USP54: variants seen among roughly 807,000 people sequenced by gnomAD.
The protein encoded by USP54 is ubiquitin carboxyl-terminal hydrolase 54.
USP54 carries 87 observed loss-of-function variants against 170.5 expected under a neutral mutation model. The ratio of observed to expected loss-of-function variants is 0.51; its 90% CI spans 0.43 to 0.61. USP54 has a LOEUF of 0.61. Among genes scored for constraint, USP54 ranks in the 20% least tolerant of loss-of-function variants. USP54 has a pLI of 0.00. For synonymous variants in USP54, 655 were observed against 742.8 expected (o/e 0.88, Z 1.92); for missense variants, 1,786 against 2,047.8 (o/e 0.87, Z 2.47).
intron 3 of USP54, 110 bp from the exon 4 acceptor site, chr10:73,571,623 C>A: frequency 1.3e-5 from 10 of 752,902 alleles, no homozygotes; most frequent in South Asian, 2.3e-5. Context: ...GTCTTTATTC[C>A]CAAAAGAAAA....
At chr10:73,603,724 G>A (rs539893558) in intron 1 of USP54, among the ~76,000 whole-genome samples, 1 of 151,664 alleles carries the variant, frequency 6.6e-6, no homozygotes, top group Non-Finnish European at 1.5e-5. Flanking sequence ...CTCCAGCCTG[G>A]GTGACAGAGT....
At chr10:73,613,333 T>C (rs113264261) in intron 1 of USP54, among the ~76,000 whole-genome samples, 2 of 151,406 alleles carry the variant, frequency 1.3e-5, no homozygotes, top group Admixed American at 6.6e-5. Context: ...GGTTTCACCA[T>C]GTTGGCCAGG....
At chr10:73,513,557 T>G (rs2060557254) in intron 20 of USP54, 1 of 152,136 alleles carries the variant, frequency 6.6e-6, no homozygotes, top group Admixed American at 6.6e-5. Flanking sequence ...AAACACTTTA[T>G]AACCATTAAA....
chr10:73,582,796 A>G (rs2077044257), intron 1 of USP54, among the ~76,000 whole-genome samples: 1 of 152,226 alleles, frequency 6.6e-6, no homozygotes, highest in Admixed American at 6.5e-5. Flanking sequence ...AGAGAACTCC[A>G]TGACATTAAT....
chr10:73,588,578 T>C (rs2077815455), intron 1 of USP54, among the ~76,000 whole-genome samples: 1 of 152,242 alleles, frequency 6.6e-6, no homozygotes, highest in African/African-American at 2.4e-5. Flanking sequence ...ACCCAGACTA[T>C]TGCAGAAACT....
intron 4 of USP54, among the ~76,000 whole-genome samples, chr10:73,571,215 C>CAAAAAAGG (rs375355833): frequency 1.4e-3 from 204 of 147,318 alleles, no homozygotes; most frequent in African/African-American, 4.8e-3. Context: ...GCTGCATAAG[C>CAAAAAAGG]AAAAAAGGTT....
chr10:73,607,611 G>T (rs2079777024), intron 1 of USP54, among the ~76,000 whole-genome samples: 1 of 150,950 alleles, frequency 6.6e-6, no homozygotes, highest in Admixed American at 6.6e-5. Flanking sequence ...AGGATGGAGA[G>T]CCTGAGCTCA....
chr10:73,563,095 G>A (rs1287614934), intron 4 of USP54, among the ~76,000 whole-genome samples: 7 of 151,908 alleles, frequency 4.6e-5, no homozygotes, highest in Admixed American at 4.6e-4. Flanking sequence ...GGGACCACAG[G>A]CACACACCGA....
chr10:73,505,597 G>A (rs1005319293), intron 20 of USP54, 171 bp from the exon 21 acceptor site: 11 of 561,316 alleles, frequency 2.0e-5, no homozygotes, highest in East Asian at 1.0e-4. Context: ...GGGGCTGGGC[G>A]CGGTGGCTCA....
intron 12 of USP54, among the ~76,000 whole-genome samples, chr10:73,531,414 T>A (rs2063946132): frequency 6.6e-6 from 1 of 152,204 alleles, no homozygotes; most frequent in African/African-American, 2.4e-5. Flanking sequence ...ACTAATGACA[T>A]GTTTCTAGGT....
At chr10:73,620,325 G>GAAAC (rs2080990303) in intron 1 of USP54, among the ~76,000 whole-genome samples, 1 of 147,728 alleles carries the variant, frequency 6.8e-6, no homozygotes, top group African/African-American at 2.6e-5. Context: ...AAAAAAAAAA[G>GAAAC]AAAGAAAGAA....
At chr10:73,612,211 T>A (rs2080205615) in intron 1 of USP54, among the ~76,000 whole-genome samples, 1 of 152,218 alleles carries the variant, frequency 6.6e-6, no homozygotes, top group Non-Finnish European at 1.5e-5. Flanking sequence ...GGATTTTTAA[T>A]CTGATCAATT....
At chr10:73,531,406 T>A (rs1447858002) in intron 12 of USP54, among the ~76,000 whole-genome samples, 2 of 152,282 alleles carry the variant, frequency 1.3e-5, no homozygotes, top group Non-Finnish European at 2.9e-5. Flanking sequence ...CCAGAAGGAC[T>A]AATGACATGT....
At chr10:73,537,754 A>T (rs1590149055) in intron 10 of USP54, 1 of 53,160 alleles carries the variant, frequency 1.9e-5, no homozygotes, top group South Asian at 1.2e-3. Context: ...ACACACATTA[A>T]AAAAAAAAAA....
chr10:73,530,309 G>A lies in USP54; in HGVS notation c.1662C>T (p.Asp554=). ...PPRTLPLHSR[D]WEIESTSSES... ...CACTGCTGGTACTCTCTATTTCCCA[G>A]TCACGAGAGTGTAAAGGCAGGGTCC... The change falls in exon 14 of 24, where the codon GAC becomes GAT. Residue 554 remains aspartate (D), a synonymous_variant. Transcript: ENST00000687698. 2 of 1,614,172 alleles carry A rather than the reference G, an allele frequency of 1.2e-6. No individual in the cohort carries two copies. The highest frequency in any genetic ancestry group is 1.7e-6 in the Non-Finnish European group (2 of 1,180,044).
At chr10:73,538,566 A>G (rs1217210529) in intron 10 of USP54, among the ~76,000 whole-genome samples, 1 of 151,976 alleles carries the variant, frequency 6.6e-6, no homozygotes, top group Non-Finnish European at 1.5e-5. Flanking sequence ...TGTAATCCCA[A>G]CACTTTGGCA....
chr10:73,529,552 T>C (rs1239369496), intron 15 of USP54, 128 bp downstream of exon 15: 2 of 1,040,398 alleles, frequency 1.9e-6, no homozygotes, highest in African/African-American at 3.1e-5. Flanking sequence ...TTATAGGAAG[T>C]TGAAAGAGCA....
In USP54 at chr10:73,530,266, A is replaced by C; in HGVS notation, c.1705T>G (p.Ser569Ala). 6.2e-7 allele frequency: 1 copy of C among 1,614,172 alleles called. No individual in the cohort carries two copies. The highest frequency in any genetic ancestry group is 8.5e-7 in the Non-Finnish European group (1 of 1,180,034). Residue 569 changes from serine (S) to alanine (A), a missense_variant, in exon 14 of 24, where the codon TCC becomes GCC. Ser to Ala is a moderately conservative substitution (Grantham distance 99). This residue lies in a region of USP54 where 1,418 missense variants were observed against 1,569.0 expected (regional missense o/e 0.90). Transcript: ENST00000687698. ...STSSESKSSSSSKYRPTWRPK... is the reference protein window; with the variant it reads ...STSSESKSSSASKYRPTWRPK... ...CTCCATGTGGGACGATACTTGCTGG[A>C]AGAACTGGATTTTGACTCACTGCTG...
chr10:73,594,591 G>A (rs76357544), upstream of USP54, among the ~76,000 whole-genome samples: 2,223 of 144,444 alleles, frequency 0.015, 64 homozygotes, highest in African/African-American at 0.053. Context: ...GATTTTTGGA[G>A]ACAGGGTCTT....
Sources: gnomAD v4.1 joint callset for allele counts (sites outside exome capture counted in the v4.1 genomes callset) on GRCh38, gnomAD v4.1.1 for gene constraint, gnomAD v4.1.1 regional missense constraint, MANE v1.5 for transcripts, NCBI Gene and HGNC (gene_info 2026-07-23, HGNC 2026-07-21) for gene names.